BCR: variants seen among roughly 807,000 people sequenced by gnomAD.
BCR encodes the protein breakpoint cluster region protein.
Under a neutral mutation model 138.6 loss-of-function variants are expected in BCR, and 58 were observed. The ratio of observed to expected loss-of-function variants is 0.42; its 90% CI spans 0.34 to 0.52. The LOEUF (loss-of-function observed/expected upper bound fraction) is 0.52. Among genes scored for constraint, BCR ranks in the 20% least tolerant of loss-of-function variants. The pLI is 0.06. For synonymous variants in BCR, 786 were observed against 730.1 expected, an observed-to-expected ratio of 1.08 and a Z score of -1.23; for missense variants, 1,599 against 1,727.2, an observed-to-expected ratio of 0.93 and a Z score of 1.32.
At chr22:23,190,874 G>T (rs1226733207) in intron 1 of BCR, among the ~76,000 whole-genome samples, 1 of 152,054 alleles carries the variant, frequency 6.6e-6, no homozygotes, top group Admixed American at 6.6e-5. Flanking sequence ...GTGGGAACAG[G>T]TCATTGCTAA....
At chr22:23,242,355 G>A (rs2073103125) in intron 1 of BCR, among the ~76,000 whole-genome samples, 1 of 152,142 alleles carries the variant, frequency 6.6e-6, no homozygotes, top group African/African-American at 2.4e-5. Context: ...CAGGTGATAA[G>A]GGCTATTTTC....
chr22:23,219,359 C>T (rs77979912), intron 1 of BCR, among the ~76,000 whole-genome samples: 1 of 152,140 alleles, frequency 6.6e-6, no homozygotes, highest in African/African-American at 2.4e-5. Context: ...CAAAGCCTCC[C>T]CCCGGATCCC....
chr22:23,190,154 G>C (rs1601995214), intron 1 of BCR, among the ~76,000 whole-genome samples: 1 of 152,152 alleles, frequency 6.6e-6, no homozygotes, highest in Non-Finnish European at 1.5e-5. Flanking sequence ...GCATCTCTCT[G>C]TGTCCAAATT....
intron 2 of BCR, among the ~76,000 whole-genome samples, 196 bp downstream of exon 2, chr22:23,254,176 G>A (rs375606988): frequency 6.6e-6 from 1 of 152,102 alleles, no homozygotes; most frequent in Non-Finnish European, 1.5e-5. Context: ...CAGGGAGATC[G>A]GGGGATGCTT....
intron 4 of BCR, among the ~76,000 whole-genome samples, chr22:23,267,529 A>G (rs12167203): frequency 0.014 from 2,118 of 152,354 alleles, 52 homozygotes; most frequent in African/African-American, 0.049. Context: ...TTTAGGTTTG[A>G]CACAAAACAA....
At chr22:23,226,579 G>A (rs558981246) in intron 1 of BCR, among the ~76,000 whole-genome samples, 144 of 152,342 alleles carry the variant, frequency 9.5e-4, no homozygotes, top group Middle Eastern at 3.4e-3. Context: ...ATTTAGGCCA[G>A]GGGTTGGCAA....
At chr22:23,314,476 C>G (rs558421308) in intron 21 of BCR, 76 bp from the exon 22 acceptor site, 2 of 1,548,838 alleles carry the variant, frequency 1.3e-6, no homozygotes, top group Non-Finnish European at 1.8e-6. Flanking sequence ...CCTGAGAACT[C>G]CAGCACAGCC....
intron 8 of BCR, chr22:23,283,776 A>T: frequency 1.6e-6 from 1 of 626,060 alleles, no homozygotes; most frequent in Non-Finnish European, 2.6e-6. Flanking sequence ...AGTTACACAT[A>T]AGCCCTGATG....
intron 18 of BCR, among the ~76,000 whole-genome samples, chr22:23,310,835 C>T (rs1388442215): frequency 6.6e-6 from 1 of 151,850 alleles, no homozygotes; most frequent in African/African-American, 2.4e-5. Flanking sequence ...TTTGCTTCCC[C>T]AGGATGGAAT....
At chr22:23,310,670 A>C (rs2073997315) in intron 18 of BCR, among the ~76,000 whole-genome samples, 1 of 152,252 alleles carries the variant, frequency 6.6e-6, no homozygotes, top group South Asian at 2.1e-4. Flanking sequence ...GCCCAAGTGC[A>C]GGGTTTTCTG....
chr22:23,263,546 G>C, intron 4 of BCR: 1 of 1,575,626 alleles, frequency 6.3e-7, no homozygotes. Context: ...TGGCCTACCA[G>C]TTCCGTCCAG....
At chr22:23,263,270 CCTCGG>C (rs2146278427) in intron 4 of BCR, 1 of 1,107,266 alleles carries the variant, frequency 9.0e-7, no homozygotes, top group African/African-American at 1.5e-5. Context: ...ACATGCGGGC[CCTCGG>C]CCGCCTGGCC....
chr22:23,263,348 G>T, intron 4 of BCR: 1 of 1,199,774 alleles, frequency 8.3e-7, no homozygotes. Flanking sequence ...AGATAGCCTG[G>T]GCCTCGCTCA....
intron 1 of BCR, among the ~76,000 whole-genome samples, chr22:23,209,901 A>C (rs2072662054): frequency 6.6e-6 from 1 of 152,154 alleles, no homozygotes; most frequent in Admixed American, 6.5e-5. Context: ...AGTAACTGTG[A>C]TTACAGACAT....
rs780334612 is a variant in BCR, at chr22:23,253,843, C to T, written c.1324C>T (p.Arg442Trp). 4.3e-6 allele frequency: 7 copies of T among 1,612,988 alleles called. No homozygotes were observed. The East Asian group carries it at 6.7e-5, about 15-fold the overall frequency. The change falls in exon 2 of 23, where the codon CGG (arginine) becomes TGG (tryptophan). Residue 442 changes from arginine to tryptophan, a missense_variant. Physicochemically the swap from Arg to Trp is moderately radical, Grantham distance 101. Around this residue, in one of 4 missense-constraint regions of BCR, gnomAD observed 590 missense variants for 762.4 expected, o/e 0.77. Coordinates refer to ENST00000305877, the MANE Select transcript of BCR (RefSeq NM_004327.4). Reference protein sequence around the residue: ...TPPGYGCAADRAEEQRRHQDG... With the variant: ...TPPGYGCAADWAEEQRRHQDG... ...ACCTGGATACGGCTGCGCTGCAGAC[C>T]GGGCAGAGGAGCAGCGCCGGCACCA...
chr22:23,182,368 G>A, intron 1 of BCR, 129 bp downstream of exon 1: 1 of 1,123,276 alleles, frequency 8.9e-7, no homozygotes, highest in Non-Finnish European at 1.2e-6. Flanking sequence ...TGCACTTGTG[G>A]TTCACGCGGA....
At chr22:23,314,821 GT>G (rs780902357) in intron 22 of BCR, 107 bp downstream of exon 22, 4 of 1,403,776 alleles carry the variant, frequency 2.8e-6, no homozygotes, top group Non-Finnish European at 4.0e-6. Flanking sequence ...TGTATGTGGT[GT>G]GGCCAACATT....
At chr22:23,266,478 C>T (rs534508765) in intron 4 of BCR, among the ~76,000 whole-genome samples, 4 of 152,268 alleles carry the variant, frequency 2.6e-5, no homozygotes, top group Admixed American at 6.5e-5. Context: ...CAACCTCTGC[C>T]TCCCAGGTTC....
In BCR at chr22:23,189,091, C is replaced by G. The variant is rs12158986; in HGVS notation, c.1279+6852C>G. ...GCCAGGCTGGTCTTGAACTCCTGAC[C>G]TCAGGTGATCTGCCCCCCTCAGCCT... On this transcript the variant is annotated intron_variant, in intron 1 of 22. Coordinates refer to ENST00000305877, the MANE Select transcript of BCR (RefSeq NM_004327.4). 4.8e-3 allele frequency among the ~76,000 whole-genome samples: 736 copies of G among 152,192 alleles called. 5 individuals are homozygous for G. The highest frequency in any genetic ancestry group is 0.017 in the African/African-American group (693 of 41,516).
Sources: gnomAD v4.1 joint callset for allele counts (sites outside exome capture counted in the v4.1 genomes callset) on GRCh38, gnomAD v4.1.1 for gene constraint, gnomAD v4.1.1 regional missense constraint, MANE v1.5 for transcripts, NCBI Gene and HGNC (gene_info 2026-07-23, HGNC 2026-07-21) for gene names.